The following MN1 variants were observed in gnomAD, a reference collection of about 807,000 sequenced individuals.
MN1 encodes transcriptional activator MN1.
MN1 carries 19 observed loss-of-function variants against 86.9 expected under a neutral mutation model. That is an observed-to-expected ratio of 0.22 (90% CI 0.15 to 0.32). The LOEUF (loss-of-function observed/expected upper bound fraction) is 0.32. Among genes scored for constraint, MN1 ranks in the 10% least tolerant of loss-of-function variants. MN1 has a pLI of 1.00. For missense variants in MN1, 1,841 were observed against 1,862.0 expected (o/e 0.99, Z 0.21); for synonymous variants, 928 against 849.6 (o/e 1.09, Z -1.60).
chr22:27,750,618 C>G lies in MN1; in HGVS notation c.*297G>C, dbSNP rs1932755132. 1 of 289,032 alleles carries G rather than the reference C, an allele frequency of 3.5e-6. No homozygotes were observed. Among genetic ancestry groups the G allele is most frequent in the Non-Finnish European group, 6.4e-6 (1 of 156,438 alleles). 17.9% of individuals were successfully genotyped at this position (289,032 alleles called of 1,614,324 possible). ...AAGATTACCGAAACATGGGGAGTAT[C>G]TAGAGGAAAAAGGCTTAAGCAAAAG... On this transcript the variant is annotated 3_prime_UTR_variant, in exon 2 of 2. Transcript: ENST00000302326.
At chr22:27,786,099 G>A (rs1002742822) in intron 1 of MN1, among the ~76,000 whole-genome samples, 6 of 152,216 alleles carry the variant, frequency 3.9e-5, no homozygotes, top group African/African-American at 1.2e-4. Context: ...ATGGTGGGGG[G>A]TGCCGAAAAC....
In MN1 at chr22:27,799,486, G is replaced by C. The variant is rs961803567; in HGVS notation, c.1058C>G (p.Pro353Arg). ...CGGCTGCTGCTGTGGCGGCTGCTGC[G>C]GGGGCTGCTGCTGAGGGGGTGGCGG... is the stretch of plus-strand genomic sequence containing the variant. ...QAPPPPQQQP[P>R]QQPPQQQPPP... The change falls in exon 1 of 2, where the codon CCG becomes CGG. Residue 353 changes from proline (P) to arginine (R), a missense_variant. Coordinates refer to ENST00000302326, the MANE Select transcript of MN1 (RefSeq NM_002430.3). 1 of 1,452,828 alleles carries C rather than the reference G, an allele frequency of 6.9e-7. No homozygotes were observed. The highest frequency in any genetic ancestry group is 1.4e-5 in the African/African-American group (1 of 69,318). The allele number at this position is 1,452,828 out of a possible 1,614,324, so 90.0% of individuals were successfully genotyped here. A position where few individuals can be genotyped will look rare whatever the true frequency, so the allele number is the denominator to read the frequency against.
rs1415615852 is a variant in MN1 at position 27,798,632 on chromosome 22, G to C, written c.1912C>G (p.Pro638Ala). Reference protein sequence around the residue: ...ESAWFSGPHPPPGDLLPRRMG... With the variant: ...ESAWFSGPHPAPGDLLPRRMG... ...CTACGGGGCAGCAGGTCTCCGGGCG[G>C]CGGATGCGGACCTGAGAACCACGCG... Residue 638 changes from proline (P) to alanine (A), a missense_variant, in exon 1 of 2, where the codon CCG becomes GCG. Pro to Ala is a conservative substitution (Grantham distance 27). Transcript: ENST00000302326. The C allele has an allele frequency of 4.5e-6, 7 of 1,561,558 alleles. No homozygotes were observed. The African/African-American group carries it at 9.5e-5, about 21-fold the overall frequency.
chr22:27,779,176 C>G (rs1200993788), intron 1 of MN1, among the ~76,000 whole-genome samples: 1 of 152,112 alleles, frequency 6.6e-6, no homozygotes, highest in African/African-American at 2.4e-5. Context: ...TCCTCACCCC[C>G]TAGGCCTGGG....
chr22:27,783,133 CTTTT>C (rs57070968), intron 1 of MN1, among the ~76,000 whole-genome samples: 1 of 139,654 alleles, frequency 7.2e-6, no homozygotes, highest in Non-Finnish European at 1.6e-5. Flanking sequence ...CGTCGTGCTG[CTTTT>C]TTTTTTTTTT....
chr22:27,762,809 C>T (rs1371105414), intron 1 of MN1, among the ~76,000 whole-genome samples: 1 of 151,516 alleles, frequency 6.6e-6, no homozygotes, highest in Non-Finnish European at 1.5e-5. Context: ...AAAAAGTAAA[C>T]AAATAGAGGC....
chr22:27,773,372 G>C (rs1021867189), intron 1 of MN1, among the ~76,000 whole-genome samples: 1 of 152,224 alleles, frequency 6.6e-6, no homozygotes, highest in Non-Finnish European at 1.5e-5. Context: ...TTCAGAGCGA[G>C]GGAGAGAGGG....
At chr22:27,754,296 T>C (rs1391248008) in intron 1 of MN1, among the ~76,000 whole-genome samples, 1 of 152,148 alleles carries the variant, frequency 6.6e-6, no homozygotes, top group Non-Finnish European at 1.5e-5. Context: ...CTGTTCTTAT[T>C]AGGGGTGGAT....
intron 1 of MN1, among the ~76,000 whole-genome samples, chr22:27,752,961 G>C (rs553805467): frequency 6.6e-6 from 1 of 152,308 alleles, no homozygotes; most frequent in African/African-American, 2.4e-5. Flanking sequence ...TAAGCAGGAG[G>C]CCTCCCCCAG....
In MN1 at chr22:27,797,099, C is replaced by A; in HGVS notation, c.3445G>T (p.Glu1149Ter). Residue 1149 changes from glutamate to a stop codon, truncating the protein, a stop_gained, in exon 1 of 2, where the codon GAG becomes TAG. Coordinates refer to ENST00000302326, the MANE Select transcript of MN1 (RefSeq NM_002430.3). LOFTEE classifies it high-confidence loss of function. ...TSSSGAPPPDEIHPLEILQAQ... is the reference protein window; with the variant it reads ...TSSSGAPPPD ...TGAAGGATCTCCAGGGGGTGGATCT[C>A]GTCGGGTGGCGGGGCGCCGCTGCTG... is the stretch of plus-strand genomic sequence containing the variant. 1 of 1,603,280 alleles carries A rather than the reference C, an allele frequency of 6.2e-7. No homozygotes were observed. Among genetic ancestry groups the A allele is most frequent in the Admixed American group, 1.7e-5 (1 of 58,902 alleles).
chr22:27,800,938 T>C lies in MN1; in HGVS notation c.-395A>G. On this transcript the variant is annotated 5_prime_UTR_variant, in exon 1 of 2. Transcript: ENST00000302326. Reference sequence around the variant, plus strand: ...GGGTTGGGAGAGCAGAGCGATCACCTTCTCAAGTCCGATTGGGTCTGCTGG... The same window carrying C: ...GGGTTGGGAGAGCAGAGCGATCACCCTCTCAAGTCCGATTGGGTCTGCTGG... The C allele has an allele frequency of 2.6e-6, 1 of 386,518 alleles. No homozygotes were observed. The allele number at this position is 386,518 out of a possible 1,614,324, so 23.9% of individuals were successfully genotyped here.
Position 27,750,686 on chromosome 22 carries a change from C to T in MN1, c.*229G>A. On this transcript the variant is annotated 3_prime_UTR_variant, in exon 2 of 2. Coordinates refer to ENST00000302326, the MANE Select transcript of MN1 (RefSeq NM_002430.3). ...GGTTAACACTGGTAACATACTGTGGCAGACAAGTTTCTTTTTTAAAAAAAC... is the reference window on the plus strand; with the variant it reads ...GGTTAACACTGGTAACATACTGTGGTAGACAAGTTTCTTTTTTAAAAAAAC... 1 of 399,194 alleles carries T rather than the reference C, an allele frequency of 2.5e-6. No individual in the cohort carries two copies. The highest frequency in any genetic ancestry group is 4.5e-6 in the Non-Finnish European group (1 of 224,538). The allele number at this position is 399,194 out of a possible 1,614,324, so 24.7% of individuals were successfully genotyped here.
Position 27,749,570 on chromosome 22 carries a change from C to T in MN1, c.*1345G>A, listed in dbSNP as rs559069347. ...AACCACCACTCATCTCTGCTCAGAG[C>T]AGTTATTCCTTTGTGAGATGCTTGG... On this transcript the variant is annotated 3_prime_UTR_variant, in exon 2 of 2. Coordinates refer to ENST00000302326, the MANE Select transcript of MN1 (RefSeq NM_002430.3). The T allele has an allele frequency of 1.0e-4, 24 of 232,366 alleles. No homozygotes were observed. The South Asian group carries it at 4.0e-3, about 39-fold the overall frequency. The allele number at this position is 232,366 out of a possible 1,614,324, so 14.4% of individuals were successfully genotyped here.
intron 1 of MN1, among the ~76,000 whole-genome samples, chr22:27,758,733 T>C (rs754445448): frequency 6.6e-6 from 1 of 152,200 alleles, no homozygotes; most frequent in Non-Finnish European, 1.5e-5. Flanking sequence ...GCCTGGCATA[T>C]GGCAGGTACC....
intron 1 of MN1, among the ~76,000 whole-genome samples, chr22:27,795,092 G>A (rs913481284): frequency 6.6e-6 from 1 of 152,096 alleles, no homozygotes; most frequent in African/African-American, 2.4e-5. Context: ...AAGAAGCTGA[G>A]GGTCCCAAAC....
chr22:27,771,679 G>C (rs1932917957), intron 1 of MN1, among the ~76,000 whole-genome samples: 1 of 152,204 alleles, frequency 6.6e-6, no homozygotes, highest in African/African-American at 2.4e-5. Flanking sequence ...GACTGCTTTT[G>C]CATGACAGGG....
At chr22:27,773,687 C>T (rs928161461) in intron 1 of MN1, among the ~76,000 whole-genome samples, 2 of 152,212 alleles carry the variant, frequency 1.3e-5, no homozygotes, top group African/African-American at 4.8e-5. Context: ...GATAGAGTCT[C>T]GCTCTGTTGC....
At chr22:27,770,084 A>C (rs1055499705) in intron 1 of MN1, among the ~76,000 whole-genome samples, 1 of 152,196 alleles carries the variant, frequency 6.6e-6, no homozygotes, top group Non-Finnish European at 1.5e-5. Flanking sequence ...TTCAGCACTG[A>C]CCACGCACAG....
At position 27,799,295 on chromosome 22, in the gene MN1, G is replaced by C. The variant is rs755462103; in HGVS notation, c.1249C>G (p.Arg417Gly). 6.3e-7 allele frequency: 1 copy of C among 1,589,590 alleles called. No homozygotes were observed. The highest frequency in any genetic ancestry group is 8.6e-7 in the Non-Finnish European group (1 of 1,168,250). ...GGCTCGGAATAAGGGTGCATGCTCC[G>C]GTTCTCCAGCCGGTGGATGGGATAC... is the stretch of plus-strand genomic sequence containing the variant. ...FEYPIHRLEN[R>G]SMHPYSEPVF... Residue 417 changes from arginine (R) to glycine (G), a missense_variant, in exon 1 of 2, where the codon CGG (arginine) becomes GGG (glycine). By Grantham distance (125) the Arg-to-Gly change is moderately radical (BLOSUM62 -2). Coordinates refer to ENST00000302326, the MANE Select transcript of MN1 (RefSeq NM_002430.3).
Sources: gnomAD v4.1 joint callset for allele counts (sites outside exome capture counted in the v4.1 genomes callset) on GRCh38, gnomAD v4.1.1 for gene constraint, MANE v1.5 for transcripts, NCBI Gene and HGNC (gene_info 2026-07-23, HGNC 2026-07-21) for gene names.